NR3C2: variants seen among roughly 807,000 people sequenced by gnomAD.
The protein encoded by NR3C2 is nuclear receptor subfamily 3 group C member 2.
A neutral mutation model predicts 86.4 loss-of-function variants in NR3C2; 15 were observed. The ratio of observed to expected loss-of-function variants is 0.17; its 90% confidence interval spans 0.12 to 0.27. NR3C2 has a LOEUF of 0.27. Among genes scored for constraint, NR3C2 ranks in the 10% least tolerant of loss-of-function variants. The pLI is 1.00. For missense variants in NR3C2, 960 were observed against 1,195.6 expected, an observed-to-expected ratio of 0.80 and a Z score of 2.91; for synonymous variants, 458 against 450.5, an observed-to-expected ratio of 1.02 and a Z score of -0.21.
chr4:148,415,691 A>G (rs1056774251), intron 2 of NR3C2, among the ~76,000 whole-genome samples: 6 of 152,202 alleles, frequency 3.9e-5, no homozygotes, highest in Non-Finnish European at 7.3e-5. Context: ...AATGCTCATC[A>G]GCCCAGAACT....
At chr4:148,403,769 T>C (rs1372681797) in intron 2 of NR3C2, among the ~76,000 whole-genome samples, 1 of 152,092 alleles carries the variant, frequency 6.6e-6, no homozygotes, top group African/African-American at 2.4e-5. Flanking sequence ...ATGAGCACTT[T>C]TTCACATTTC....
intron 2 of NR3C2, among the ~76,000 whole-genome samples, chr4:148,378,192 G>A (rs1242021060): frequency 1.3e-5 from 2 of 152,110 alleles, no homozygotes; most frequent in African/African-American, 4.8e-5. Context: ...GAAAGAAAAA[G>A]TAATTGAAAG....
intron 3 of NR3C2, among the ~76,000 whole-genome samples, chr4:148,199,657 C>T (rs1386414790): frequency 6.6e-6 from 1 of 152,016 alleles, no homozygotes; most frequent in Non-Finnish European, 1.5e-5. Flanking sequence ...AGGAGCAAGG[C>T]CCTCGGAAAA....
At chr4:148,112,705 A>T (rs1436492996) in intron 8 of NR3C2, among the ~76,000 whole-genome samples, 2 of 152,248 alleles carry the variant, frequency 1.3e-5, no homozygotes, top group African/African-American at 4.8e-5. Flanking sequence ...AAGCAGAGGT[A>T]AATGATATGC....
At chr4:148,371,540 T>C (rs985295294) in intron 2 of NR3C2, among the ~76,000 whole-genome samples, 3 of 152,090 alleles carry the variant, frequency 2.0e-5, no homozygotes, top group African/African-American at 4.8e-5. Context: ...TCCCATGTTA[T>C]TGAAAGTGAA....
intron 2 of NR3C2, among the ~76,000 whole-genome samples, chr4:148,351,199 G>A (rs746561556): frequency 1.0e-3 from 158 of 152,266 alleles, no homozygotes; most frequent in Non-Finnish European, 1.7e-3. Context: ...AGGCTAGAGA[G>A]CAGTGGTGCA....
intron 2 of NR3C2, chr4:148,368,469 A>G (rs1288934714): frequency 1.3e-5 from 2 of 152,214 alleles, no homozygotes; most frequent in African/African-American, 2.4e-5. Context: ...TATTGTTATT[A>G]CATCATAATG....
chr4:148,379,762 T>C (rs1746866825), intron 2 of NR3C2, among the ~76,000 whole-genome samples: 1 of 152,014 alleles, frequency 6.6e-6, no homozygotes, highest in South Asian at 2.1e-4. Flanking sequence ...AGAAAATATA[T>C]TTTCAAAGCT....
intron 2 of NR3C2, among the ~76,000 whole-genome samples, chr4:148,314,204 G>A (rs934459619): frequency 2.6e-5 from 4 of 152,046 alleles, no homozygotes; most frequent in Non-Finnish European, 5.9e-5. Flanking sequence ...AAAGAGATGA[G>A]CAAGTATGAC....
rs145732280 is a variant in NR3C2, at chr4:148,103,755, C to T, written c.2799+10349G>A. On this transcript the variant is annotated intron_variant, in intron 8 of 8. Transcript: ENST00000358102. ...GCCCTTAAACCATTAATGTGGTGAC[C>T]GAAGAAGGAACACATAAGGATGCCC... 2.5e-3 allele frequency among the ~76,000 whole-genome samples: 375 copies of T among 152,172 alleles called. 3 individuals are homozygous for T. The highest frequency in any genetic ancestry group is 0.017 in the Middle Eastern group (5 of 294).
At chr4:148,110,404 T>G (rs1305295371) in intron 8 of NR3C2, among the ~76,000 whole-genome samples, 2 of 152,230 alleles carry the variant, frequency 1.3e-5, no homozygotes, top group Non-Finnish European at 2.9e-5. Context: ...CTTATGTGTG[T>G]GACCCTTAGA....
intron 2 of NR3C2, among the ~76,000 whole-genome samples, chr4:148,376,487 T>C (rs1191840338): frequency 1.3e-5 from 2 of 152,222 alleles, no homozygotes; most frequent in Non-Finnish European, 2.9e-5. Context: ...TTTACATTTC[T>C]CTGTCCTCAG....
chr4:148,444,161 G>A (rs1750485424), upstream of NR3C2: 4 of 985,446 alleles, frequency 4.1e-6, no homozygotes, highest in Non-Finnish European at 4.8e-6. Context: ...CTAGAGCCTG[G>A]GCACGCGAGG....
chr4:148,254,969 T>C (rs1739758913), intron 3 of NR3C2, among the ~76,000 whole-genome samples: 2 of 152,214 alleles, frequency 1.3e-5, no homozygotes, highest in East Asian at 1.9e-4. Context: ...TATAAGGAGA[T>C]AGCTATATTT....
chr4:148,382,408 C>T (rs1382677674), intron 2 of NR3C2, among the ~76,000 whole-genome samples: 1 of 152,146 alleles, frequency 6.6e-6, no homozygotes, highest in African/African-American at 2.4e-5. Context: ...TCCACATGCA[C>T]ATTAATTTTA....
At chr4:148,285,133 T>TA (rs1741449436) in intron 2 of NR3C2, among the ~76,000 whole-genome samples, 1 of 152,214 alleles carries the variant, frequency 6.6e-6, no homozygotes, top group Non-Finnish European at 1.5e-5. Context: ...GTCATGTGAT[T>TA]ACACCATACT....
chr4:148,311,583 A>T (rs1323819720), intron 2 of NR3C2, among the ~76,000 whole-genome samples: 1 of 152,232 alleles, frequency 6.6e-6, no homozygotes, highest in Non-Finnish European at 1.5e-5. Flanking sequence ...TCCTAACAGG[A>T]TTCCATACCT....
chr4:148,248,081 T>A (rs1488262855), intron 3 of NR3C2, among the ~76,000 whole-genome samples: 2 of 152,222 alleles, frequency 1.3e-5, no homozygotes, highest in East Asian at 1.9e-4. Flanking sequence ...TTAAAAAATT[T>A]AAATCATGTG....
rs892311756 is a variant in NR3C2 at position 148,310,421 on chromosome 4, G to T, written c.1758-50304C>A. ...TTAGTACTGCCTAGAAATCTCCCAG[G>T]CATCACAGTACATTTCCCTAGTCTA... On this transcript the variant is annotated intron_variant, in intron 2 of 8. Coordinates refer to ENST00000358102, the MANE Select transcript of NR3C2 (RefSeq NM_000901.5). Among the ~76,000 whole-genome samples, 8 of 152,258 alleles carry T rather than the reference G, an allele frequency of 5.3e-5. No homozygotes were observed. The East Asian group carries it at 5.8e-4, about 11-fold the overall frequency.
Sources: allele counts gnomAD v4.1 joint callset (sites outside exome capture counted in the v4.1 genomes callset), GRCh38; gene constraint gnomAD v4.1.1; transcripts MANE v1.5; gene names NCBI Gene and HGNC (gene_info 2026-07-23, HGNC 2026-07-21).